Variants in PPHLN1 observed in about 807,000 individuals in gnomAD.
The protein encoded by PPHLN1 is periphilin 1, also known as periphilin-1.
In PPHLN1, 29 loss-of-function variants were observed where a neutral mutation model predicts 51.3. That is an observed-to-expected ratio of 0.57 (90% CI 0.42 to 0.77). PPHLN1 has a LOEUF of 0.77. Ranked by LOEUF, PPHLN1 falls within the 30% of genes least tolerant of loss-of-function variation. The pLI, the probability that PPHLN1 is intolerant of heterozygous loss-of-function variation, is 0.00. For missense variants in PPHLN1, 436 were observed against 438.4 expected, an observed-to-expected ratio of 0.99 and a Z score of 0.05; for synonymous variants, 147 against 147.8, an observed-to-expected ratio of 0.99 and a Z score of 0.04.
chr12:42,361,474 T>C (rs2074678087), intron 4 of PPHLN1: 1 of 152,220 alleles, frequency 6.6e-6, no homozygotes, highest in South Asian at 2.1e-4. Flanking sequence ...TCTCCTCACC[T>C]CTTTACTCCC....
chr12:42,417,955 T>A (rs2080585668), intron 9 of PPHLN1, among the ~76,000 whole-genome samples: 1 of 132,900 alleles, frequency 7.5e-6, no homozygotes, highest in Non-Finnish European at 1.6e-5. Flanking sequence ...TTTTTTTTTT[T>A]TTGAGACAGA....
chr12:42,404,414 C>T (rs183644132), intron 9 of PPHLN1, among the ~76,000 whole-genome samples: 5 of 152,102 alleles, frequency 3.3e-5, no homozygotes, highest in African/African-American at 4.8e-5. Flanking sequence ...CTATAATCCT[C>T]GCTACTTAGG....
At chr12:42,361,673 T>G (rs2074704224) in intron 4 of PPHLN1, 1 of 152,236 alleles carries the variant, frequency 6.6e-6, no homozygotes, top group East Asian at 1.9e-4. Context: ...TGACAATATA[T>G]GTAACATAAT....
chr12:42,440,278 G>T (rs929405508), intron 9 of PPHLN1, among the ~76,000 whole-genome samples: 51 of 151,994 alleles, frequency 3.4e-4, no homozygotes, highest in African/African-American at 1.2e-3. Flanking sequence ...AATTACATTT[G>T]CTCATTACTG....
At chr12:42,386,134 T>G (rs2077172919) in intron 6 of PPHLN1, among the ~76,000 whole-genome samples, 1 of 152,226 alleles carries the variant, frequency 6.6e-6, no homozygotes, top group African/African-American at 2.4e-5. Context: ...GCAGGAGTCC[T>G]CAACCTCTGC....
intron 2 of PPHLN1, among the ~76,000 whole-genome samples, chr12:42,345,797 C>A (rs923695488): frequency 6.6e-6 from 1 of 151,680 alleles, no homozygotes; most frequent in Non-Finnish European, 1.5e-5. Context: ...TTGAAAATGA[C>A]CCTGTTAACC....
intron 7 of PPHLN1, among the ~76,000 whole-genome samples, chr12:42,390,659 C>T (rs1398997957): frequency 6.1e-5 from 9 of 147,272 alleles, no homozygotes; most frequent in Admixed American, 2.0e-4. Context: ...TAAAACATTA[C>T]GTGATTTTTT....
At chr12:42,398,640 T>C (rs554785304) in intron 8 of PPHLN1, 5 of 407,462 alleles carry the variant, frequency 1.2e-5, no homozygotes, top group Non-Finnish European at 4.3e-6. Flanking sequence ...TCATGAAGTG[T>C]TCCATATTAA....
At chr12:42,363,271 A>AC (rs1270113283) in intron 4 of PPHLN1, among the ~76,000 whole-genome samples, 1 of 151,824 alleles carries the variant, frequency 6.6e-6, no homozygotes, top group African/African-American at 2.4e-5. Context: ...TATTATCCTG[A>AC]CCCCATGAGT....
chr12:42,443,756 G>A (rs562966386), downstream of PPHLN1: 1 of 152,254 alleles, frequency 6.6e-6, no homozygotes, highest in East Asian at 1.9e-4. Flanking sequence ...GCAATCTATG[G>A]GGCCCCTTCA....
chr12:42,393,038 T>C (rs1361664469), intron 7 of PPHLN1, among the ~76,000 whole-genome samples: 1 of 152,208 alleles, frequency 6.6e-6, no homozygotes, highest in Admixed American at 6.5e-5. Flanking sequence ...CCTTGTTTAG[T>C]ATTGTGTGCA....
At chr12:42,369,804 T>G (rs1592470885) in intron 4 of PPHLN1, among the ~76,000 whole-genome samples, 1 of 152,230 alleles carries the variant, frequency 6.6e-6, no homozygotes, top group East Asian at 1.9e-4. Context: ...AAGCCTCTGT[T>G]TCCACGTCAA....
chr12:42,362,800 G>T (rs771226884), intron 4 of PPHLN1, among the ~76,000 whole-genome samples: 1 of 152,188 alleles, frequency 6.6e-6, no homozygotes, highest in Non-Finnish European at 1.5e-5. Flanking sequence ...TCCTCCATGG[G>T]TGTCTTGCAC....
chr12:42,424,243 T>A (rs2081238258), intron 9 of PPHLN1, among the ~76,000 whole-genome samples: 1 of 152,130 alleles, frequency 6.6e-6, no homozygotes, highest in African/African-American at 2.4e-5. Flanking sequence ...TTAAAAACAT[T>A]ATAAAACCCA....
chr12:42,358,153 A>C (rs951510704), intron 4 of PPHLN1, among the ~76,000 whole-genome samples: 1 of 152,050 alleles, frequency 6.6e-6, no homozygotes, highest in Non-Finnish European at 1.5e-5. Flanking sequence ...GGTTGATTCT[A>C]TATCTTTCCC....
intron 4 of PPHLN1, among the ~76,000 whole-genome samples, chr12:42,357,176 G>C (rs761234494): frequency 2.0e-5 from 3 of 152,200 alleles, no homozygotes; most frequent in Non-Finnish European, 4.4e-5. Context: ...GGAAGACTCA[G>C]TATCATATAA....
intron 9 of PPHLN1, among the ~76,000 whole-genome samples, chr12:42,412,635 T>TAGATAC (rs2074311654): frequency 6.6e-6 from 1 of 152,154 alleles, no homozygotes; most frequent in South Asian, 2.1e-4. Flanking sequence ...TTCCTTTGGA[T>TAGATAC]AGATATACAG....
At chr12:42,348,673 G>A (rs1408362951) in intron 2 of PPHLN1, among the ~76,000 whole-genome samples, 2 of 152,006 alleles carry the variant, frequency 1.3e-5, no homozygotes, top group East Asian at 1.9e-4. Context: ...CCAAATAATC[G>A]TATACAAACA....
At chr12:42,326,372 GGGT>G (rs1020534043) in intron 1 of PPHLN1, 143 bp downstream of exon 1, 1 of 152,248 alleles carries the variant, frequency 6.6e-6, no homozygotes, top group Non-Finnish European at 1.5e-5. Context: ...ATGCGGTTGA[GGGT>G]GGAGAGACGC....
Sources: allele counts gnomAD v4.1 joint callset (sites outside exome capture counted in the v4.1 genomes callset), GRCh38; gene constraint gnomAD v4.1.1; transcripts MANE v1.5; gene names NCBI Gene and HGNC (gene_info 2026-07-23, HGNC 2026-07-21).